The following CDH4 variants were observed in gnomAD, a reference collection of about 807,000 sequenced individuals.
CDH4 encodes cadherin-4.
In CDH4, 33 loss-of-function variants were observed where a neutral mutation model predicts 86.0. The ratio of observed to expected loss-of-function variants is 0.38; its 90% CI spans 0.29 to 0.51. The LOEUF (loss-of-function observed/expected upper bound fraction) is 0.51. Ranked by LOEUF, CDH4 falls within the 20% of genes least tolerant of loss-of-function variation. The probability of loss-of-function intolerance (pLI) is 0.86; values close to 1 mark genes in which losing one functional copy is unlikely to be tolerated. For synonymous variants in CDH4, 555 were observed against 549.4 expected, an observed-to-expected ratio of 1.01 and a Z score of -0.14; for missense variants, 1,114 against 1,307.4, an observed-to-expected ratio of 0.85 and a Z score of 2.28.
intron 2 of CDH4, among the ~76,000 whole-genome samples, chr20:61,461,129 C>T (rs2085439603): frequency 6.6e-6 from 1 of 152,012 alleles, no homozygotes; most frequent in Non-Finnish European, 1.5e-5. Flanking sequence ...GTTGGAACCT[C>T]CCCTTCCCCC....
intron 2 of CDH4, among the ~76,000 whole-genome samples, chr20:61,539,778 A>T (rs1239252880): frequency 2.6e-5 from 4 of 152,360 alleles, no homozygotes; most frequent in African/African-American, 9.6e-5. Flanking sequence ...GGAGCAGAGC[A>T]GGGACACGCC....
chr20:61,861,689 G>A (rs13041511), intron 6 of CDH4, among the ~76,000 whole-genome samples: 44,628 of 152,032 alleles, frequency 0.29, 8,261 homozygotes, highest in Non-Finnish European at 0.41. Context: ...TGGTCACCCC[G>A]CTTCTCAGTT....
intron 11 of CDH4, among the ~76,000 whole-genome samples, chr20:61,925,744 A>T (rs1250352563): frequency 6.6e-6 from 1 of 152,020 alleles, no homozygotes; most frequent in Admixed American, 6.6e-5. Context: ...GCCCAGGGGG[A>T]GATCCGAGAC....
intron 2 of CDH4, among the ~76,000 whole-genome samples, chr20:61,536,868 C>G (rs554115829): frequency 8.1e-4 from 123 of 152,304 alleles, no homozygotes; most frequent in African/African-American, 2.9e-3. Context: ...CCAGTGTGTT[C>G]AGCGCAGGGG....
At chr20:61,842,926 A>G (rs1049996794) in intron 4 of CDH4, among the ~76,000 whole-genome samples, 3 of 152,240 alleles carry the variant, frequency 2.0e-5, no homozygotes, top group African/African-American at 7.2e-5. Context: ...GCGTTGTTAT[A>G]TTATTATTAA....
At chr20:61,666,120 A>G (rs2087321222) in intron 2 of CDH4, among the ~76,000 whole-genome samples, 1 of 152,172 alleles carries the variant, frequency 6.6e-6, no homozygotes, top group Non-Finnish European at 1.5e-5. Flanking sequence ...TGCAAGCCCC[A>G]TCTTAATCCT....
At position 61,928,294 on chromosome 20, in the gene CDH4, C is replaced by T. The variant is rs1485834330; in HGVS notation, c.1876C>T (p.Pro626Ser). 6.2e-7 allele frequency: 1 copy of T among 1,610,412 alleles called. No individual in the cohort carries two copies. Among genetic ancestry groups the T allele is most frequent in the East Asian group, 2.2e-5 (1 of 44,892 alleles). The change falls in exon 12 of 16, where the codon CCC (proline) becomes TCC (serine). Residue 626 changes from proline (P) to serine (S), a missense_variant. This residue lies in a region of CDH4 where 705 missense variants were observed against 914.1 expected (regional missense o/e 0.77). Coordinates refer to ENST00000614565, the MANE Select transcript of CDH4 (RefSeq NM_001794.5). Reference sequence around the variant, plus strand: ...CAAGGAGGCGCAGATCTGCGAGAAGCCCAACCTGAACGCCATCAACATCAC... The same window carrying T: ...CAAGGAGGCGCAGATCTGCGAGAAGTCCAACCTGAACGCCATCAACATCAC... ...LPKEAQICEK[P>S]NLNAINITAA...
intron 2 of CDH4, among the ~76,000 whole-genome samples, chr20:61,528,360 G>C (rs1452262150): frequency 3.4e-5 from 5 of 147,602 alleles, no homozygotes. Context: ...CCGGGTGAAA[G>C]AGCGAGACTC....
At chr20:61,584,230 C>G (rs1172115470) in intron 2 of CDH4, among the ~76,000 whole-genome samples, 2 of 152,172 alleles carry the variant, frequency 1.3e-5, no homozygotes, top group African/African-American at 4.8e-5. Context: ...CATCAAGTCT[C>G]TAAATGTTGC....
chr20:61,722,567 T>C (rs1286930668), intron 2 of CDH4, among the ~76,000 whole-genome samples: 2 of 152,182 alleles, frequency 1.3e-5, no homozygotes, highest in Non-Finnish European at 2.9e-5. Context: ...GCACTGGCCA[T>C]CGTGGAAGCA....
intron 2 of CDH4, among the ~76,000 whole-genome samples, chr20:61,741,844 ACTT>A (rs919741973): frequency 6.6e-6 from 1 of 151,986 alleles, no homozygotes; most frequent in African/African-American, 2.4e-5. Flanking sequence ...AGCCGCCTGT[ACTT>A]TTTTTTAACT....
intron 2 of CDH4, among the ~76,000 whole-genome samples, chr20:61,371,886 G>T (rs577012213): frequency 6.6e-6 from 1 of 152,116 alleles, no homozygotes; most frequent in Non-Finnish European, 1.5e-5. Flanking sequence ...TCCGTCCCTC[G>T]CCCCTGGCCA....
At chr20:61,345,074 C>T (rs78629465) in intron 2 of CDH4, among the ~76,000 whole-genome samples, 4,332 of 152,294 alleles carry the variant, frequency 0.028, 86 homozygotes, top group Non-Finnish European at 0.044. Flanking sequence ...ATTTTTATCT[C>T]GTTTGGATTC....
At chr20:61,716,738 A>C (rs2087959421) in intron 2 of CDH4, among the ~76,000 whole-genome samples, 1 of 152,064 alleles carries the variant, frequency 6.6e-6, no homozygotes, top group Non-Finnish European at 1.5e-5. Context: ...GTGAAACCCC[A>C]TCTCTACTAA....
chr20:61,597,590 C>T (rs1385466135), intron 2 of CDH4, among the ~76,000 whole-genome samples: 5 of 152,106 alleles, frequency 3.3e-5, no homozygotes, highest in African/African-American at 4.8e-5. Context: ...CAGGATGGAC[C>T]GGGCGAAGCA....
intron 2 of CDH4, among the ~76,000 whole-genome samples, chr20:61,660,240 T>G (rs2145830655): frequency 6.6e-6 from 1 of 152,330 alleles, no homozygotes; most frequent in South Asian, 2.1e-4. Context: ...CCTTCTTGTC[T>G]TCCCCTGCCT....
intron 2 of CDH4, among the ~76,000 whole-genome samples, chr20:61,712,490 CGGAAGGTGCATG>C (rs940764743): frequency 2.0e-5 from 3 of 152,116 alleles, no homozygotes; most frequent in East Asian, 1.9e-4. Context: ...GGAAGCAGGG[CGGAAGGTGCATG>C]GGAAGGTGCC....
chr20:61,469,588 G>T (rs1465347572), intron 2 of CDH4, among the ~76,000 whole-genome samples: 1 of 151,960 alleles, frequency 6.6e-6, no homozygotes, highest in Non-Finnish European at 1.5e-5. Context: ...GTCCATTTTT[G>T]CTTTAGTTGC....
intron 4 of CDH4, among the ~76,000 whole-genome samples, chr20:61,801,905 C>T (rs894159460): frequency 2.6e-5 from 4 of 152,254 alleles, no homozygotes; most frequent in Admixed American, 1.3e-4. Context: ...CGTCTGCAAA[C>T]TCTCTTTTGC....
Sources: allele counts gnomAD v4.1 joint callset (sites outside exome capture counted in the v4.1 genomes callset), GRCh38; gene constraint gnomAD v4.1.1; regional missense constraint gnomAD v4.1.1; transcripts MANE v1.5; gene names NCBI Gene and HGNC (gene_info 2026-07-23, HGNC 2026-07-21).